The following SH3BP4 variants were observed in gnomAD, a reference collection of about 807,000 sequenced individuals.
SH3BP4 encodes the protein SH3 domain binding protein 4.
In SH3BP4, 33 loss-of-function variants were observed where a neutral mutation model predicts 65.5. The ratio of observed to expected loss-of-function variants is 0.50; its 90% CI spans 0.38 to 0.67. The LOEUF (loss-of-function observed/expected upper bound fraction) is 0.67. Ranked by LOEUF, SH3BP4 falls within the 30% of genes least tolerant of loss-of-function variation. The pLI, the probability that SH3BP4 is intolerant of heterozygous loss-of-function variation, is 0.00. For missense variants in SH3BP4, 1,134 were observed against 1,261.4 expected (o/e 0.90, Z 1.53); for synonymous variants, 552 against 545.5 (o/e 1.01, Z -0.17).
In SH3BP4 at chr2:234,997,625, A is replaced by T. The variant is rs1268641461; in HGVS notation, c.-133+2249A>T. Among the ~76,000 whole-genome samples the T allele has an allele frequency of 1.3e-5, 2 of 152,052 alleles. No homozygotes were observed. Among genetic ancestry groups the T allele is most frequent in the Non-Finnish European group, 2.9e-5 (2 of 67,990 alleles). On this transcript the variant is annotated intron_variant, in intron 2 of 5. Transcript: ENST00000392011. The surrounding 1 kb of genome is among the most constrained non-coding windows in gnomAD (Gnocchi z 4.2). ...GCCGGTGCGGAGATCGAGGCCCCACAAGGCCTGCCCCTGTGGTTGTTCCCA... is the reference window on the plus strand; with the variant it reads ...GCCGGTGCGGAGATCGAGGCCCCACTAGGCCTGCCCCTGTGGTTGTTCCCA...
intron 2 of SH3BP4, among the ~76,000 whole-genome samples, chr2:235,004,840 G>C (rs987178656): frequency 2.2e-4 from 33 of 152,222 alleles, no homozygotes; most frequent in African/African-American, 7.5e-4. Context: ...TAGGATTCAT[G>C]TATTTGATGG....
chr2:234,996,113 C>T (rs546217837), intron 2 of SH3BP4: 4 of 152,316 alleles, frequency 2.6e-5, no homozygotes, highest in African/African-American at 9.6e-5. Flanking sequence ...GCACAGCCTC[C>T]AGTTTTTTAG....
At position 234,997,980 on chromosome 2, in the gene SH3BP4, G is replaced by A. The variant is rs183964760; in HGVS notation, c.-133+2604G>A. ...TACTAAAAATACAAAAAAATTAGCC[G>A]GGCGTGGTGGTGGGCGCCTATAGTC... On this transcript the variant is annotated intron_variant, in intron 2 of 5. Transcript: ENST00000392011. This position sits in a 1 kb window ranked among gnomAD's most constrained non-coding sequence, Gnocchi z 4.2. Among the ~76,000 whole-genome samples, 170 of 152,114 alleles carry A rather than the reference G, an allele frequency of 1.1e-3. No homozygotes were observed. Among genetic ancestry groups the A allele is most frequent in the Middle Eastern group, 3.4e-3 (1 of 292 alleles).
In SH3BP4 at chr2:234,977,770, G is replaced by A. The variant is rs373283364; in HGVS notation, c.-206-17533G>A. 1.3e-5 allele frequency among the ~76,000 whole-genome samples: 2 copies of A among 152,018 alleles called. No individual in the cohort carries two copies. The highest frequency in any genetic ancestry group is 4.8e-5 in the African/African-American group (2 of 41,420). On this transcript the variant is annotated intron_variant, in intron 1 of 5. Coordinates refer to ENST00000392011, the MANE Select transcript of SH3BP4 (RefSeq NM_014521.3). The surrounding 1 kb of genome is among the most constrained non-coding windows in gnomAD (Gnocchi z 5.1). ...TAGTGCACAGAGTGAGCCCTGCGCT[G>A]GGAAAGACACGCACACGCATATGCA...
At chr2:234,985,388 TG>T (rs1263864322) in intron 1 of SH3BP4, among the ~76,000 whole-genome samples, 1 of 152,088 alleles carries the variant, frequency 6.6e-6, no homozygotes, top group Admixed American at 6.5e-5. Flanking sequence ...AAAGTGTGCG[TG>T]AATGAAGGGG....
Position 234,976,479 on chromosome 2 carries a change from G to T in SH3BP4, c.-206-18824G>T. Reference sequence around the variant, plus strand: ...TCTCTCTTGCATTTTGTGGGTGGCTGCCTGCAGTTAAGCAGGGCTACCGTC... The same window carrying T: ...TCTCTCTTGCATTTTGTGGGTGGCTTCCTGCAGTTAAGCAGGGCTACCGTC... On this transcript the variant is annotated intron_variant, in intron 1 of 5. Transcript: ENST00000392011. This position sits in a 1 kb window ranked among gnomAD's most constrained non-coding sequence, Gnocchi z 4.7. Among the ~76,000 whole-genome samples, 1 of 152,140 alleles carries T rather than the reference G, an allele frequency of 6.6e-6. No individual in the cohort carries two copies. Among genetic ancestry groups the T allele is most frequent in the Non-Finnish European group, 1.5e-5 (1 of 68,018 alleles).
rs368943837 is a variant in SH3BP4, at chr2:235,042,474, G to T, written c.1705G>T (p.Val569Leu). ...VRGFQLKLGK[V>L]SRLIFPITSQ... ...AGGATTCCAGCTGAAGCTGGGCAAG[G>T]TGAGCCGCCTGATCTTCCCCATCAC... Residue 569 changes from valine (V) to leucine (L), a missense_variant, in exon 4 of 6, where the codon GTG (valine) becomes TTG (leucine). Transcript: ENST00000392011. This position sits in a 1 kb window ranked among gnomAD's most constrained non-coding sequence, Gnocchi z 7.3. The T allele has an allele frequency of 1.9e-6, 3 of 1,614,154 alleles. No individual in the cohort carries two copies. The highest frequency in any genetic ancestry group is 1.1e-5 in the South Asian group (1 of 91,088).
At chr2:235,039,072 G>T (rs371732899) in intron 3 of SH3BP4, among the ~76,000 whole-genome samples, 1 of 152,132 alleles carries the variant, frequency 6.6e-6, no homozygotes, top group Non-Finnish European at 1.5e-5. Flanking sequence ...TCCACCATGA[G>T]TGGAGTCTTA....
intron 5 of SH3BP4, 26 bp from the exon 6 acceptor site, chr2:235,053,563 CTTT>C (rs1218583084): frequency 6.4e-7 from 1 of 1,561,316 alleles, no homozygotes; most frequent in East Asian, 2.2e-5. Flanking sequence ...TCTCTCCCTC[CTTT>C]TGTTTTTTAC....
Position 235,044,999 on chromosome 2 carries a change from C to T in SH3BP4, c.2478+1752C>T, listed in dbSNP as rs567037708. Among the ~76,000 whole-genome samples the T allele has an allele frequency of 4.0e-3, 605 of 152,308 alleles. 2 individuals are homozygous for T. Among genetic ancestry groups the T allele is most frequent in the Non-Finnish European group, 6.9e-3 (467 of 68,020 alleles). On this transcript the variant is annotated intron_variant, in intron 4 of 5. Transcript: ENST00000392011. ...CGAACAAACGCAGCAGGGAAGCCTC[C>T]GGGCCCCCATGTGGGGTCACCTGCA... is the stretch of plus-strand genomic sequence containing the variant.
rs1328146987 is a variant in SH3BP4, at chr2:235,035,634, A to C, written c.118+514A>C. On this transcript the variant is annotated intron_variant, in intron 3 of 5. Coordinates refer to ENST00000392011, the MANE Select transcript of SH3BP4 (RefSeq NM_014521.3). This position sits in a 1 kb window ranked among gnomAD's most constrained non-coding sequence, Gnocchi z 5.0. ...ATTAAATAGCCAGAGTCGTGTTTCCAAGACAACTTTTTTTTTGCAGACAGC... is the reference window on the plus strand; with the variant it reads ...ATTAAATAGCCAGAGTCGTGTTTCCCAGACAACTTTTTTTTTGCAGACAGC... Among the ~76,000 whole-genome samples the C allele has an allele frequency of 1.3e-5, 2 of 152,216 alleles. No individual in the cohort carries two copies. Among genetic ancestry groups the C allele is most frequent in the Admixed American group, 6.5e-5 (1 of 15,284 alleles).
intron 2 of SH3BP4, among the ~76,000 whole-genome samples, chr2:235,006,450 A>G (rs1156310751): frequency 1.3e-5 from 2 of 152,016 alleles, no homozygotes; most frequent in East Asian, 2.0e-4. Flanking sequence ...TAGCTGTGAT[A>G]TAAAAGCACT....
rs2106323015 is a variant in SH3BP4, at chr2:235,033,207, C to T, written c.-132-1664C>T. On this transcript the variant is annotated intron_variant, in intron 2 of 5. Coordinates refer to ENST00000392011, the MANE Select transcript of SH3BP4 (RefSeq NM_014521.3). This position sits in a 1 kb window ranked among gnomAD's most constrained non-coding sequence, Gnocchi z 5.7. ...GGCCCAGCAAGGGAGGCTCATCTCT[C>T]ACGGTTCCAGAGGCCGGAAGTCAAA... is the stretch of plus-strand genomic sequence containing the variant. 6.6e-6 allele frequency among the ~76,000 whole-genome samples: 1 copy of T among 152,336 alleles called. No individual in the cohort carries two copies. Among genetic ancestry groups the T allele is most frequent in the African/African-American group, 2.4e-5 (1 of 41,590 alleles).
chr2:234,995,658 C>T (rs560496845), intron 2 of SH3BP4: 1 of 152,484 alleles, frequency 6.6e-6, no homozygotes, highest in East Asian at 1.9e-4. Context: ...GGCCCCGGCG[C>T]ATTCCCAGAA....
chr2:235,023,463 C>T (rs1463287844), intron 2 of SH3BP4, among the ~76,000 whole-genome samples: 1 of 152,104 alleles, frequency 6.6e-6, no homozygotes, highest in African/African-American at 2.4e-5. Flanking sequence ...CAGGAAATTG[C>T]CTGAACCCGG....
rs1040699960 is a variant in SH3BP4, at chr2:235,052,976, C to T, written c.2667+226C>T. Among the ~76,000 whole-genome samples the T allele has an allele frequency of 2.6e-5, 4 of 152,268 alleles. No individual in the cohort carries two copies. The highest frequency in any genetic ancestry group is 9.6e-5 in the African/African-American group (4 of 41,476). Reference sequence around the variant, plus strand: ...GCTTTAGGATGTCAAGGCTGTTCCACACGACATGGGAAGGACAAACAGAAC... The same window carrying T: ...GCTTTAGGATGTCAAGGCTGTTCCATACGACATGGGAAGGACAAACAGAAC... On this transcript the variant is annotated intron_variant, in intron 5 of 5. Coordinates refer to ENST00000392011, the MANE Select transcript of SH3BP4 (RefSeq NM_014521.3). The surrounding 1 kb of genome is among the most constrained non-coding windows in gnomAD (Gnocchi z 5.0).
chr2:234,999,324 A>G (rs774359236), intron 2 of SH3BP4, among the ~76,000 whole-genome samples: 1 of 152,234 alleles, frequency 6.6e-6, no homozygotes, highest in African/African-American at 2.4e-5. Flanking sequence ...AAAAGACATC[A>G]GTCAAAGAAA....
chr2:235,033,650 T>C lies in SH3BP4; in HGVS notation c.-132-1221T>C, dbSNP rs936057714. Among the ~76,000 whole-genome samples the C allele has an allele frequency of 1.1e-4, 17 of 152,298 alleles. No homozygotes were observed. Among genetic ancestry groups the C allele is most frequent in the Admixed American group, 1.1e-3 (17 of 15,296 alleles). ...GCTGAGACTTGGCAGGGTTAAATAT[T>C]GAACACAAGATGGTCCCTATAGCAG... On this transcript the variant is annotated intron_variant, in intron 2 of 5. Transcript: ENST00000392011. This position sits in a 1 kb window ranked among gnomAD's most constrained non-coding sequence, Gnocchi z 5.7.
At position 235,037,136 on chromosome 2, in the gene SH3BP4, T is replaced by C. The variant is rs140255953; in HGVS notation, c.118+2016T>C. Among the ~76,000 whole-genome samples, 979 of 152,312 alleles carry C rather than the reference T, an allele frequency of 6.4e-3. 18 individuals are homozygous for C. Among genetic ancestry groups the C allele is most frequent in the Non-Finnish European group, 7.1e-3 (483 of 68,014 alleles). Reference sequence around the variant, plus strand: ...GACGGATAGGAAATGTATTATTCAGTACATTGAACTTCCTAACACCCAGGG... The same window carrying C: ...GACGGATAGGAAATGTATTATTCAGCACATTGAACTTCCTAACACCCAGGG... On this transcript the variant is annotated intron_variant, in intron 3 of 5. Coordinates refer to ENST00000392011, the MANE Select transcript of SH3BP4 (RefSeq NM_014521.3).
Sources: gnomAD v4.1 joint callset for allele counts (sites outside exome capture counted in the v4.1 genomes callset) on GRCh38, gnomAD v4.1.1 for gene constraint, Gnocchi (gnomAD v3.1) non-coding constraint, MANE v1.5 for transcripts, NCBI Gene and HGNC (gene_info 2026-07-23, HGNC 2026-07-21) for gene names.